The following CASD1 variants were observed in gnomAD, a reference collection of about 807,000 sequenced individuals.
CASD1 encodes N-acetylneuraminate (7)9-O-acetyltransferase.
In CASD1, 41 loss-of-function variants were observed where a neutral mutation model predicts 100.0. The observed-to-expected ratio is 0.41, with a 90% confidence interval of 0.32 to 0.53. The LOEUF (loss-of-function observed/expected upper bound fraction) is 0.53, where lower values mean the gene tolerates loss of function less well. Among genes scored for constraint, CASD1 ranks in the 20% least tolerant of loss-of-function variants. The probability of loss-of-function intolerance (pLI) is 0.25; values close to 1 mark genes in which losing one functional copy is unlikely to be tolerated. For synonymous variants in CASD1, 321 were observed against 315.6 expected (o/e 1.02, Z -0.18); for missense variants, 774 against 948.7 (o/e 0.82, Z 2.42).
chr7:94,588,229 T>G, the CASD1 span: 2 of 1,049,790 alleles, frequency 1.9e-6, no homozygotes, highest in African/African-American at 1.7e-5. Context: ...TAACAGCTTT[T>G]TAAAGCGGCT....
the CASD1 span, among the ~76,000 whole-genome samples, chr7:94,563,112 G>C: frequency 6.6e-6 from 1 of 152,146 alleles, no homozygotes; most frequent in Non-Finnish European, 1.5e-5. Context: ...TCTGCTCTAT[G>C]AATCTCCAAT....
At chr7:94,548,138 A>T (rs1413198325) in intron 13 of CASD1, among the ~76,000 whole-genome samples, 1 of 152,002 alleles carries the variant, frequency 6.6e-6, no homozygotes. Flanking sequence ...CACTCTGTGG[A>T]TACTGCTGAG....
chr7:94,527,275 C>T (rs1248795863), intron 4 of CASD1, 69 bp downstream of exon 4: 30 of 1,090,618 alleles, frequency 2.8e-5, no homozygotes, highest in Non-Finnish European at 3.9e-5. Context: ...ATTGAACATA[C>T]TAAGTATATT....
intron 3 of CASD1, among the ~76,000 whole-genome samples, chr7:94,526,161 A>G (rs1326190735): frequency 6.6e-6 from 1 of 152,210 alleles, no homozygotes; most frequent in African/African-American, 2.4e-5. Flanking sequence ...ATGTTGCTAC[A>G]GCAACAAACT....
intron 7 of CASD1, among the ~76,000 whole-genome samples, chr7:94,534,364 C>T (rs1030357955): frequency 4.6e-5 from 7 of 151,722 alleles, no homozygotes; most frequent in Non-Finnish European, 7.4e-5. Context: ...GACAGGGTTT[C>T]GCTGTGTTTC....
At chr7:94,600,956 T>C in the CASD1 span, 2 of 994,232 alleles carry the variant, frequency 2.0e-6, no homozygotes, top group Admixed American at 4.1e-5. Context: ...ACAAATTATC[T>C]AAAAAGCCAT....
chr7:94,554,490 C>T lies in CASD1; in HGVS notation c.2042C>T (p.Ala681Val). 6.2e-7 allele frequency: 1 copy of T among 1,603,714 alleles called. No individual in the cohort carries two copies. The highest frequency in any genetic ancestry group is 1.7e-4 in the Middle Eastern group (1 of 6,010). The change falls in exon 17 of 18, where the codon GCC (alanine) becomes GTC (valine). Residue 681 changes from alanine (A) to valine (V), a missense_variant. Physicochemically the swap from Ala to Val is moderately conservative, Grantham distance 64 (BLOSUM62 0). This residue lies in a region of CASD1 where 175 missense variants were observed against 206.9 expected (regional missense o/e 0.85). Coordinates refer to ENST00000297273, the MANE Select transcript of CASD1 (RefSeq NM_022900.5). ...HPSVSVVQILAFILIRNIPGY... is the reference protein window; with the variant it reads ...HPSVSVVQILVFILIRNIPGY... ...TTTGTGCTTTTTCTTTAGATTTTAGCCTTCATCCTAATAAGAAACATCCCT... is the reference window on the plus strand; with the variant it reads ...TTTGTGCTTTTTCTTTAGATTTTAGTCTTCATCCTAATAAGAAACATCCCT...
chr7:94,618,904 T>G, the CASD1 span: 2 of 1,614,054 alleles, frequency 1.2e-6, no homozygotes, highest in Non-Finnish European at 1.7e-6. Flanking sequence ...CCAACATTTC[T>G]TCTACATTCA....
intron 1 of CASD1, among the ~76,000 whole-genome samples, chr7:94,511,668 C>G (rs1468330608): frequency 6.6e-6 from 1 of 152,102 alleles, no homozygotes; most frequent in East Asian, 1.9e-4. Context: ...TATAAAAGAA[C>G]AGTAATTTAA....
At chr7:94,534,159 A>ATTTTTTTTTTTTTTTTTTTTTTT in intron 7 of CASD1, among the ~76,000 whole-genome samples, 1 of 100,538 alleles carries the variant, frequency 9.9e-6, no homozygotes, top group Non-Finnish European at 1.9e-5. Flanking sequence ...CTGTTTCATA[A>ATTTTTTTTTTTTTTTTTTTTTTT]TTTTTTTTTT....
the CASD1 span, among the ~76,000 whole-genome samples, chr7:94,622,869 T>G: frequency 1.2e-3 from 186 of 152,298 alleles, no homozygotes; most frequent in Middle Eastern, 0.01. Flanking sequence ...TTATTTGTTT[T>G]CCAGAAACCC....
the CASD1 span, chr7:94,584,973 C>T: frequency 6.5e-6 from 1 of 152,900 alleles, no homozygotes; most frequent in Non-Finnish European, 1.5e-5. Flanking sequence ...TTTCACAATC[C>T]ATAAAACTAG....
chr7:94,572,891 T>C, the CASD1 span, among the ~76,000 whole-genome samples: 1 of 152,252 alleles, frequency 6.6e-6, no homozygotes, highest in African/African-American at 2.4e-5. Context: ...TTAGTCCATC[T>C]TGAGTTGATT....
intron 10 of CASD1, 63 bp downstream of exon 10, chr7:94,539,119 AG>A: frequency 1.1e-6 from 1 of 926,614 alleles, no homozygotes; most frequent in South Asian, 1.5e-5. Flanking sequence ...TGTTTCTTTA[AG>A]GGCACCAGCT....
chr7:94,574,819 A>C, the CASD1 span, among the ~76,000 whole-genome samples: 1 of 152,026 alleles, frequency 6.6e-6, no homozygotes, highest in Non-Finnish European at 1.5e-5. Flanking sequence ...AAATACAAAA[A>C]ATTAGCCGGG....
the CASD1 span, among the ~76,000 whole-genome samples, chr7:94,614,840 T>TA: frequency 1.3e-5 from 2 of 151,968 alleles, no homozygotes; most frequent in African/African-American, 4.8e-5. Flanking sequence ...ATTCTCCCAT[T>TA]AAAAAAATAC....
the CASD1 span, among the ~76,000 whole-genome samples, chr7:94,569,850 G>A: frequency 6.7e-6 from 1 of 148,320 alleles, no homozygotes; most frequent in African/African-American, 2.5e-5. Flanking sequence ...GTCTTACTCT[G>A]TCACCCAGGC....
chr7:94,611,101 G>A, the CASD1 span, among the ~76,000 whole-genome samples: 3,706 of 152,182 alleles, frequency 0.024, 132 homozygotes, highest in African/African-American at 0.082. Flanking sequence ...TCCTCAAAAT[G>A]TTAAATACAG....
chr7:94,590,279 TAA>T, the CASD1 span, among the ~76,000 whole-genome samples: 1 of 152,094 alleles, frequency 6.6e-6, no homozygotes, highest in Admixed American at 6.6e-5. Flanking sequence ...TATTTTTAAT[TAA>T]AAAAATCTCA....
Sources: allele counts gnomAD v4.1 joint callset (sites outside exome capture counted in the v4.1 genomes callset), GRCh38; gene constraint gnomAD v4.1.1; regional missense constraint gnomAD v4.1.1; transcripts MANE v1.5; gene names NCBI Gene and HGNC (gene_info 2026-07-23, HGNC 2026-07-21).